Variants in GRB10 observed in about 807,000 individuals in gnomAD.
The protein encoded by GRB10 is growth factor receptor bound protein 10, also known as growth factor receptor-bound protein 10.
GRB10 carries 20 observed loss-of-function variants against 80.9 expected under a neutral mutation model. The observed-to-expected ratio is 0.25, with a 90% CI of 0.17 to 0.36. GRB10 has a LOEUF of 0.36. GRB10 is among the 10% of genes least tolerant of loss of function. The pLI is 1.00. For missense variants in GRB10, 548 were observed against 747.7 expected, an observed-to-expected ratio of 0.73 and a Z score of 3.12; for synonymous variants, 291 against 291.5, an observed-to-expected ratio of 1.00 and a Z score of 0.02.
At chr7:50,641,149 C>T (rs867368539) in intron 7 of GRB10, among the ~76,000 whole-genome samples, 1 of 127,584 alleles carries the variant, frequency 7.8e-6, no homozygotes, top group South Asian at 2.4e-4. Flanking sequence ...CTTGCTCACT[C>T]TTCCTCACTC....
intron 7 of GRB10, among the ~76,000 whole-genome samples, chr7:50,653,243 G>A (rs1396628637): frequency 3.3e-5 from 5 of 152,206 alleles, no homozygotes; most frequent in Admixed American, 2.6e-4. Context: ...CTCCGAGGGA[G>A]GACTGTGTGG....
At chr7:50,791,492 T>C (rs796570670) in intron 1 of GRB10, among the ~76,000 whole-genome samples, 10 of 152,320 alleles carry the variant, frequency 6.6e-5, no homozygotes, top group African/African-American at 2.4e-4. Flanking sequence ...GCTTTGTCAC[T>C]TGCTGACAGT....
At chr7:50,595,584 CACACACACACACTCTCTT>C in intron 17 of GRB10, 54 bp from the exon 18 acceptor site, 1 of 652,924 alleles carries the variant, frequency 1.5e-6, no homozygotes, top group Non-Finnish European at 2.6e-6. Context: ...TGGAACTAAT[CACACACACACACTCTCTT>C]ACACACACAC....
At chr7:50,607,262 T>A (rs1482006156) in intron 13 of GRB10, among the ~76,000 whole-genome samples, 1 of 152,230 alleles carries the variant, frequency 6.6e-6, no homozygotes. Flanking sequence ...TTTGTTTACA[T>A]CTCTTGACTA....
intron 12 of GRB10, 36 bp downstream of exon 12, chr7:50,614,734 G>A: frequency 7.5e-7 from 1 of 1,330,322 alleles, no homozygotes; most frequent in Non-Finnish European, 1.1e-6. Flanking sequence ...GTGGGCTGCT[G>A]AGCATGCGCG....
upstream of GRB10, among the ~76,000 whole-genome samples, chr7:50,784,478 C>A (rs1308530355): frequency 6.6e-6 from 1 of 152,174 alleles, no homozygotes; most frequent in African/African-American, 2.4e-5. Context: ...GCCTGAACAT[C>A]CCACGCACCC....
At chr7:50,595,222 T>C (rs1481144270) in intron 18 of GRB10, among the ~76,000 whole-genome samples, 1 of 152,182 alleles carries the variant, frequency 6.6e-6, no homozygotes, top group Non-Finnish European at 1.5e-5. Context: ...AAGGGGGGCC[T>C]CAACACCCTA....
chr7:50,701,089 T>C (rs765996105), intron 5 of GRB10, among the ~76,000 whole-genome samples: 2 of 152,198 alleles, frequency 1.3e-5, no homozygotes, highest in Non-Finnish European at 2.9e-5. Context: ...GTTGTTTGAT[T>C]GTTGTTGTGT....
chr7:50,706,334 A>T (rs1289699671), intron 4 of GRB10, among the ~76,000 whole-genome samples: 1 of 152,258 alleles, frequency 6.6e-6, no homozygotes, highest in East Asian at 1.9e-4. Context: ...ACTTTCAGAC[A>T]GCATAAATAA....
rs141010444 is a variant in GRB10 at position 50,618,166 on chromosome 7, G to A, written c.778-27C>T. On this transcript the variant is annotated intron_variant, in intron 9 of 18. Transcript: ENST00000401949. ...TAAGAAAATGGGAAAAAACAAATAC[G>A]TAAAAGGTTAGCTTCAAAGTGAGGG... The A allele has an allele frequency of 6.0e-4, 941 of 1,568,188 alleles. 11 individuals carry two copies. The African/African-American group carries it at 0.011, about 18-fold the overall frequency.
chr7:50,595,602 T>TATACACACACACAC (rs368289956), intron 17 of GRB10, 72 bp from the exon 18 acceptor site: 26 of 561,530 alleles, frequency 4.6e-5, no homozygotes, highest in African/African-American at 4.5e-4. Flanking sequence ...CACACTCTCT[T>TATACACACACACAC]ACACACACAC....
intron 1 of GRB10, among the ~76,000 whole-genome samples, chr7:50,790,194 T>C (rs1195489680): frequency 1.3e-5 from 2 of 152,188 alleles, no homozygotes; most frequent in African/African-American, 4.8e-5. Context: ...ACAAATTAAA[T>C]ACCAGCCAGG....
chr7:50,741,776 C>T (rs1255387158), intron 3 of GRB10, among the ~76,000 whole-genome samples: 1 of 151,792 alleles, frequency 6.6e-6, no homozygotes, highest in Non-Finnish European at 1.5e-5. Flanking sequence ...AAATGAACAC[C>T]AACCCATCCA....
chr7:50,713,824 A>G (rs2066374546), intron 4 of GRB10, among the ~76,000 whole-genome samples: 1 of 147,188 alleles, frequency 6.8e-6, no homozygotes, highest in Admixed American at 6.8e-5. Context: ...CACCATCTCC[A>G]CCATCACCTC....
chr7:50,737,224 C>T (rs377231626), intron 3 of GRB10, among the ~76,000 whole-genome samples: 1 of 152,196 alleles, frequency 6.6e-6, no homozygotes, highest in African/African-American at 2.4e-5. Context: ...TAATCCCCAG[C>T]GTTGGAGATG....
intron 5 of GRB10, among the ~76,000 whole-genome samples, chr7:50,700,304 C>T (rs1361431946): frequency 1.3e-5 from 2 of 152,104 alleles, no homozygotes; most frequent in East Asian, 3.9e-4. Flanking sequence ...TACATTTTTG[C>T]AATAAATCAT....
intron 17 of GRB10, among the ~76,000 whole-genome samples, chr7:50,598,747 T>C (rs1163200907): frequency 6.6e-6 from 1 of 152,220 alleles, no homozygotes; most frequent in Non-Finnish European, 1.5e-5. Flanking sequence ...AAGGGTGCTA[T>C]GTGAGTCCTG....
At chr7:50,610,287 C>T (rs1047841924) in intron 13 of GRB10, among the ~76,000 whole-genome samples, 1 of 152,360 alleles carries the variant, frequency 6.6e-6, no homozygotes, top group Admixed American at 6.5e-5. Context: ...CGACAACACT[C>T]AAATGGCGTT....
intron 2 of GRB10, among the ~76,000 whole-genome samples, chr7:50,780,176 C>A (rs1396162091): frequency 6.6e-6 from 1 of 152,110 alleles, no homozygotes; most frequent in Non-Finnish European, 1.5e-5. Flanking sequence ...GGAAAGGGTT[C>A]CAGGGTTTGG....
Sources: gnomAD v4.1 joint callset for allele counts (sites outside exome capture counted in the v4.1 genomes callset) on GRCh38, gnomAD v4.1.1 for gene constraint, MANE v1.5 for transcripts, NCBI Gene and HGNC (gene_info 2026-07-23, HGNC 2026-07-21) for gene names.